The following NOP14 variants were observed in gnomAD, a reference collection of about 807,000 sequenced individuals.
NOP14 encodes the protein nucleolar protein 14.
A neutral mutation model predicts 101.6 loss-of-function variants in NOP14; 57 were observed. That is an observed-to-expected ratio of 0.56 (90% CI 0.45 to 0.70). NOP14 has a LOEUF of 0.70. NOP14 is among the 30% of genes least tolerant of loss of function. NOP14 has a pLI of 0.00. For missense variants in NOP14, 1,134 were observed against 1,075.5 expected, an observed-to-expected ratio of 1.05 and a Z score of -0.76; for synonymous variants, 428 against 424.0, an observed-to-expected ratio of 1.01 and a Z score of -0.12.
rs775594224 is a variant in NOP14 at position 2,938,849 on chromosome 4, C to A, written c.2556G>T (p.Arg852Ser). ...TQEGEWKALK[R>S]KKFKK The stretch of plus-strand genomic sequence containing the variant: ...ATGTAATTTATTTTTTGAACTTTTT[C>A]CTCTTCAGAGCCTTCCATTCGCCTT... Residue 852 changes from arginine to serine, a missense_variant, in exon 18 of 18, where the codon AGG (arginine) becomes AGT (serine). Arg to Ser is a moderately radical substitution (Grantham distance 110). Coordinates refer to ENST00000416614, the MANE Select transcript of NOP14 (RefSeq NM_001291978.2). 4 of 1,612,854 alleles carry A rather than the reference C, an allele frequency of 2.5e-6. No individual in the cohort carries two copies. Among genetic ancestry groups the A allele is most frequent in the Non-Finnish European group, 3.4e-6 (4 of 1,179,498 alleles).
intron 6 of NOP14, 139 bp from the exon 7 acceptor site, chr4:2,951,384 C>A (rs1715021585): frequency 3.0e-6 from 2 of 660,758 alleles, no homozygotes. Flanking sequence ...CTGCTTTCTG[C>A]CTGCAGTTTT....
Position 2,945,249 on chromosome 4 carries a change from A to G in NOP14, c.1636-20T>C. On this transcript the variant is annotated intron_variant, in intron 11 of 17. Transcript: ENST00000416614. ...AATGAGCTGGAAAGAAAGTGTTACC[A>G]CAGGTTAAAGAAGGTAAATGAAGTC... 6.5e-7 allele frequency: 1 copy of G among 1,537,074 alleles called. No individual in the cohort carries two copies. The highest frequency in any genetic ancestry group is 8.8e-7 in the Non-Finnish European group (1 of 1,132,366).
chr4:2,950,272 C>A, intron 7 of NOP14, 59 bp from the exon 8 acceptor site: 1 of 1,565,328 alleles, frequency 6.4e-7, no homozygotes, highest in Admixed American at 1.7e-5. Context: ...GCTGGACCAT[C>A]TCACAGCCAC....
intron 9 of NOP14, among the ~76,000 whole-genome samples, chr4:2,947,846 A>G (rs1249915379): frequency 6.6e-6 from 1 of 152,206 alleles, no homozygotes; most frequent in Non-Finnish European, 1.5e-5. Context: ...CTTCTACAGA[A>G]CAGCTGACAA....
intron 1 of NOP14, among the ~76,000 whole-genome samples, chr4:2,960,818 CACATTATCAATATATTAATATTAT>C (rs1560310957): frequency 4.6e-4 from 42 of 91,502 alleles, no homozygotes; most frequent in African/African-American, 2.2e-3. Flanking sequence ...ATATTATAAT[CACATTATCAATATATTAATATTAT>C]AATCACATTA....
At chr4:2,944,737 C>T (rs1411916201) in intron 12 of NOP14, among the ~76,000 whole-genome samples, 1 of 152,224 alleles carries the variant, frequency 6.6e-6, no homozygotes, top group Non-Finnish European at 1.5e-5. Context: ...GTTCCTTCCA[C>T]CCATACAGAG....
At chr4:2,961,212 T>C (rs1208420609) in intron 1 of NOP14, 2 of 42,760 alleles carry the variant, frequency 4.7e-5, no homozygotes, top group African/African-American at 9.5e-5. Context: ...AATAATATAT[T>C]AATATATTAA....
At chr4:2,943,123 C>T (rs990388808) in intron 13 of NOP14, among the ~76,000 whole-genome samples, 1 of 152,194 alleles carries the variant, frequency 6.6e-6, no homozygotes, top group Non-Finnish European at 1.5e-5. Context: ...TGGGCGGCCG[C>T]GCCCCTCTGG....
intron 3 of NOP14, among the ~76,000 whole-genome samples, chr4:2,955,044 C>CCCCTCTAGTCACCTCCACGCCACGGCGCT (rs1221843355): frequency 6.9e-6 from 1 of 144,718 alleles, no homozygotes; most frequent in East Asian, 2.1e-4. Context: ...GCCACGGCGC[C>CCCCTCTAGTCACCTCCACGCCACGGCGCT]CCCTCTAGTC....
chr4:2,960,518 G>T (rs866599481), intron 1 of NOP14, among the ~76,000 whole-genome samples: 1 of 151,640 alleles, frequency 6.6e-6, no homozygotes, highest in Admixed American at 6.6e-5. Context: ...TAGATGTTGT[G>T]ACATCATATG....
rs543599895 is a variant in NOP14 at position 2,960,192 on chromosome 4, G to C, written c.196-2452C>G. ...TCACCGTGTTGCCCAGGCTGGTTTC[G>C]AACTCCTGAGCTCAGGCAATCTGCC... is the stretch of plus-strand genomic sequence containing the variant. On this transcript the variant is annotated intron_variant, in intron 1 of 17. Transcript: ENST00000416614. Among the ~76,000 whole-genome samples, 21 of 152,066 alleles carry C rather than the reference G, an allele frequency of 1.4e-4. No homozygotes were observed. The South Asian group carries it at 2.7e-3, about 20-fold the overall frequency.
Position 2,956,812 on chromosome 4 carries a change from C to T in NOP14, c.331-1G>A. The stretch of plus-strand genomic sequence containing the variant: ...AGATGCTTTTTTTCTCATGATGTCG[C>T]TGACAGAAGAGAAAAAAAGTTTCCT... On this transcript the variant is annotated splice_acceptor_variant, in intron 2 of 17. Transcript: ENST00000416614. LOFTEE classifies it high-confidence loss of function. 6.3e-7 allele frequency: 1 copy of T among 1,581,170 alleles called. No homozygotes were observed.
intron 5 of NOP14, 106 bp from the exon 6 acceptor site, chr4:2,952,503 T>C (rs893921620): frequency 4.7e-6 from 5 of 1,059,896 alleles, no homozygotes; most frequent in Admixed American, 2.9e-5. Context: ...GGCTAGATAA[T>C]GTTATTGAAG....
intron 3 of NOP14, 83 bp downstream of exon 3, chr4:2,956,587 C>A: frequency 7.4e-7 from 1 of 1,350,370 alleles, no homozygotes; most frequent in East Asian, 2.4e-5. Context: ...TCTCTAGTCT[C>A]TAAGAAGAGC....
At position 2,947,509 on chromosome 4, in the gene NOP14, A is replaced by G; in HGVS notation, c.1499+17T>C. 6.3e-7 allele frequency: 1 copy of G among 1,575,438 alleles called. No individual in the cohort carries two copies. Among genetic ancestry groups the G allele is most frequent in the East Asian group, 2.2e-5 (1 of 44,686 alleles). On this transcript the variant is annotated intron_variant, in intron 10 of 17. Transcript: ENST00000416614. ...TGCTTAACCCCACATCCCAGATGAC[A>G]CACCATTTTTACTTACACAACCAAC...
chr4:2,940,399 A>G (rs988176596), intron 15 of NOP14: 2 of 152,056 alleles, frequency 1.3e-5, no homozygotes, highest in African/African-American at 4.8e-5. Context: ...CTCCATGGAG[A>G]CCAAACTCAA....
At chr4:2,957,392 T>C (rs895088248) in intron 2 of NOP14, among the ~76,000 whole-genome samples, 7 of 152,210 alleles carry the variant, frequency 4.6e-5, no homozygotes, top group African/African-American at 1.4e-4. Context: ...TGCTGCCGTG[T>C]AGTAGAGTTA....
At chr4:2,960,756 C>T (rs55845482) in intron 1 of NOP14, among the ~76,000 whole-genome samples, 4,550 of 82,058 alleles carry the variant, frequency 0.055, 285 homozygotes, top group Middle Eastern at 0.095. Context: ...ATATTATAAT[C>T]ACATTAATAT....
chr4:2,950,163 T>G lies in NOP14; in HGVS notation c.1053A>C (p.Glu351Asp). The G allele has an allele frequency of 6.2e-7, 1 of 1,614,180 alleles. No individual in the cohort carries two copies. Among genetic ancestry groups the G allele is most frequent in the Non-Finnish European group, 8.5e-7 (1 of 1,180,028 alleles). The change falls in exon 8 of 18, where the codon GAA becomes GAC. Residue 351 changes from glutamate (E) to aspartate (D), a missense_variant. Physicochemically the swap from Glu to Asp is conservative, Grantham distance 45. Coordinates refer to ENST00000416614, the MANE Select transcript of NOP14 (RefSeq NM_001291978.2). ...CCTCGTTGCTCTCAGGGTCACTGGCTTCCTTGCTTTGCTCTTCCTGGACAT... is the reference window on the plus strand; with the variant it reads ...CCTCGTTGCTCTCAGGGTCACTGGCGTCCTTGCTTTGCTCTTCCTGGACAT... Reference protein sequence around the residue: ...EEDVQEEQSKEASDPESNEEE... With the variant: ...EEDVQEEQSKDASDPESNEEE...
Sources: gnomAD v4.1 joint callset for allele counts (sites outside exome capture counted in the v4.1 genomes callset) on GRCh38, gnomAD v4.1.1 for gene constraint, MANE v1.5 for transcripts, NCBI Gene and HGNC (gene_info 2026-07-23, HGNC 2026-07-21) for gene names.